The following PCLO variants were observed in gnomAD, a reference collection of about 807,000 sequenced individuals.
PCLO encodes the protein protein piccolo.
A neutral mutation model predicts 427.5 loss-of-function variants in PCLO; 82 were observed. That is an observed-to-expected ratio of 0.19 (90% CI 0.16 to 0.23). PCLO has a LOEUF of 0.23. Ranked by LOEUF, PCLO falls within the 10% of genes least tolerant of loss-of-function variation. The probability of loss-of-function intolerance (pLI) is 1.00; values close to 1 mark genes in which losing one functional copy is unlikely to be tolerated. For missense variants in PCLO, 6,239 were observed against 6,115.9 expected, an observed-to-expected ratio of 1.02 and a Z score of -0.67; for synonymous variants, 2,357 against 2,155.4, an observed-to-expected ratio of 1.09 and a Z score of -2.59.
chr7:83,084,806 G>C (rs1409105130), intron 3 of PCLO, among the ~76,000 whole-genome samples: 1 of 152,068 alleles, frequency 6.6e-6, no homozygotes, highest in Non-Finnish European at 1.5e-5. Flanking sequence ...ATTAGCACCA[G>C]GAACAAAGTC....
rs745372105 is a variant in PCLO at position 82,950,748 on chromosome 7, C to G, written c.9840G>C (p.Met3280Ile). The change falls in exon 6 of 25, where the codon ATG (methionine) becomes ATC (isoleucine). Residue 3280 changes from methionine (M) to isoleucine (I), a missense_variant. Coordinates refer to ENST00000333891, the MANE Select transcript of PCLO (RefSeq NM_033026.6). Reference sequence around the variant, plus strand: ...GCTGAGCTAACGTCTCCTGCCTCATCATGAACTGGGCTTGCCGCTCTTCTT... The same window carrying G: ...GCTGAGCTAACGTCTCCTGCCTCATGATGAACTGGGCTTGCCGCTCTTCTT... ...QQEEERQAQFMMRQETLAQQQ... is the reference protein window; with the variant it reads ...QQEEERQAQFIMRQETLAQQQ... The G allele has an allele frequency of 1.5e-5, 24 of 1,613,712 alleles. No individual in the cohort carries two copies. In the Admixed American group the frequency reaches 3.7e-4, roughly 25 times the overall value.
At chr7:82,993,925 TAAGA>T (rs1796436359) in intron 3 of PCLO, among the ~76,000 whole-genome samples, 1 of 151,976 alleles carries the variant, frequency 6.6e-6, no homozygotes, top group African/African-American at 2.4e-5. Flanking sequence ...TAACACTATT[TAAGA>T]ATGACAATAA....
chr7:82,945,964 A>G (rs1795191593), intron 6 of PCLO, among the ~76,000 whole-genome samples: 1 of 152,204 alleles, frequency 6.6e-6, no homozygotes, highest in Admixed American at 6.5e-5. Flanking sequence ...GATAAGAACT[A>G]TGAAATATAG....
chr7:82,854,921 T>A (rs1040350082), intron 10 of PCLO, among the ~76,000 whole-genome samples: 2 of 152,128 alleles, frequency 1.3e-5, no homozygotes, highest in Non-Finnish European at 2.9e-5. Context: ...TACATATTTT[T>A]AAAACTTTTC....
At chr7:83,156,837 T>A (rs921298092) in intron 1 of PCLO, among the ~76,000 whole-genome samples, 1 of 152,094 alleles carries the variant, frequency 6.6e-6, no homozygotes, top group African/African-American at 2.4e-5. Context: ...TCTTTTGATA[T>A]AAGAAAGTCT....
intron 22 of PCLO, among the ~76,000 whole-genome samples, chr7:82,771,224 C>T (rs1790640949): frequency 6.6e-6 from 1 of 151,784 alleles, no homozygotes; most frequent in Admixed American, 6.6e-5. Flanking sequence ...TTATTCAGAT[C>T]CCTTTTTTTC....
chr7:83,162,200 ATC>A, intron 1 of PCLO, 143 bp downstream of exon 1: 1 of 808,036 alleles, frequency 1.2e-6, no homozygotes, highest in South Asian at 1.9e-5. Context: ...AAGGCTTAGG[ATC>A]TCTCTATGGC....
chr7:82,763,876 A>T (rs1217871285), intron 22 of PCLO, among the ~76,000 whole-genome samples: 1 of 152,030 alleles, frequency 6.6e-6, no homozygotes, highest in Non-Finnish European at 1.5e-5. Flanking sequence ...ATATCCAGCT[A>T]ACCTGTCTTT....
intron 10 of PCLO, among the ~76,000 whole-genome samples, chr7:82,855,314 T>A (rs1386946163): frequency 6.6e-6 from 1 of 152,118 alleles, no homozygotes; most frequent in Admixed American, 6.6e-5. Context: ...AGAGGTGATA[T>A]AACTTGTCTA....
At chr7:83,026,734 A>C (rs1173928750) in intron 3 of PCLO, among the ~76,000 whole-genome samples, 1 of 152,026 alleles carries the variant, frequency 6.6e-6, no homozygotes, top group African/African-American at 2.4e-5. Flanking sequence ...ATGTAAAAGA[A>C]CACAAATTAT....
intron 3 of PCLO, among the ~76,000 whole-genome samples, chr7:83,100,171 C>T (rs1420958077): frequency 1.3e-5 from 2 of 151,988 alleles, no homozygotes; most frequent in Non-Finnish European, 2.9e-5. Flanking sequence ...CAGATGCTGG[C>T]GAGGTTGTGA....
intron 3 of PCLO, among the ~76,000 whole-genome samples, chr7:83,130,563 C>T (rs1791546205): frequency 6.6e-6 from 1 of 152,030 alleles, no homozygotes; most frequent in African/African-American, 2.4e-5. Context: ...ATTCTTTTAG[C>T]CTTTAATTTC....
intron 22 of PCLO, among the ~76,000 whole-genome samples, chr7:82,768,432 A>C (rs995740057): frequency 6.6e-6 from 1 of 152,016 alleles, no homozygotes; most frequent in Non-Finnish European, 1.5e-5. Flanking sequence ...CAAAAAAAAA[A>C]AAAAAGTATT....
Position 82,915,270 on chromosome 7 carries a change from T to C in PCLO, c.12716A>G (p.Asp4239Gly), listed in dbSNP as rs1794419081. The C allele has an allele frequency of 1.2e-6, 2 of 1,613,628 alleles. No homozygotes were observed. Among genetic ancestry groups the C allele is most frequent in the Non-Finnish European group, 1.7e-6 (2 of 1,179,740 alleles). ...GISSRARLLQ[D>G]DITFGLRKNI... ...TTTTCTGAGGCCAAAAGTGATGTCA[T>C]CTTGAAGGAGCCTTGCCCTGGAGGA... Residue 4239 changes from aspartate to glycine, a missense_variant, in exon 7 of 25, where the codon GAT becomes GGT. Physicochemically the swap from Asp to Gly is moderately conservative, Grantham distance 94 (BLOSUM62 -1). Coordinates refer to ENST00000333891, the MANE Select transcript of PCLO (RefSeq NM_033026.6).
chr7:83,004,353 G>A (rs1189171078), intron 3 of PCLO, among the ~76,000 whole-genome samples: 2 of 151,688 alleles, frequency 1.3e-5, no homozygotes, highest in African/African-American at 2.4e-5. Flanking sequence ...ATAAGCCCAA[G>A]CATTTACAGT....
At chr7:83,008,889 C>G (rs2115975415) in intron 3 of PCLO, among the ~76,000 whole-genome samples, 1 of 151,292 alleles carries the variant, frequency 6.6e-6, no homozygotes, top group East Asian at 1.9e-4. Flanking sequence ...ATAAGAAACA[C>G]ACTCAAAGTG....
intron 24 of PCLO, among the ~76,000 whole-genome samples, chr7:82,759,366 C>T (rs1374433834): frequency 6.6e-6 from 1 of 151,724 alleles, no homozygotes; most frequent in Non-Finnish European, 1.5e-5. Flanking sequence ...ATATAATTTA[C>T]CCTTATTCCT....
At chr7:82,930,509 GAAT>G (rs1393891375) in intron 6 of PCLO, among the ~76,000 whole-genome samples, 1 of 152,034 alleles carries the variant, frequency 6.6e-6, no homozygotes, top group Non-Finnish European at 1.5e-5. Flanking sequence ...TAAAAATTCT[GAAT>G]AATACCAAAT....
Position 82,956,073 on chromosome 7 carries a change from T to C in PCLO, c.4880A>G (p.His1627Arg). The C allele has an allele frequency of 1.9e-6, 3 of 1,612,262 alleles. No homozygotes were observed. The highest frequency in any genetic ancestry group is 2.2e-5 in the South Asian group (2 of 91,078). ...TTCATCGTCTTCATCATGCCATGAG[T>C]GACGTCTTCCTGCATCTTCATCAAT... ...TSIDEDAGRR[H>R]SWHDEDDEAF... Residue 1627 changes from histidine (H) to arginine (R), a missense_variant, in exon 5 of 25, where the codon CAC becomes CGC. His to Arg is a conservative substitution (Grantham distance 29). Transcript: ENST00000333891.
Sources: gnomAD v4.1 joint callset for allele counts (sites outside exome capture counted in the v4.1 genomes callset) on GRCh38, gnomAD v4.1.1 for gene constraint, MANE v1.5 for transcripts, NCBI Gene and HGNC (gene_info 2026-07-23, HGNC 2026-07-21) for gene names.